Variants in CCDC192 observed in about 807,000 individuals in gnomAD.
CCDC192 encodes the protein coiled-coil domain-containing protein 192.
intron 6 of CCDC192, among the ~76,000 whole-genome samples, chr5:127,915,617 G>A (rs760394695): frequency 3.2e-4 from 49 of 152,210 alleles, no homozygotes; most frequent in Non-Finnish European, 5.6e-4. Context: ...TCCTGACCTC[G>A]TGATCCACCC....
At chr5:127,914,286 T>C (rs1415268736) in intron 6 of CCDC192, among the ~76,000 whole-genome samples, 2 of 152,328 alleles carry the variant, frequency 1.3e-5, no homozygotes, top group East Asian at 3.9e-4. Context: ...CTGTCTGCCC[T>C]GACCAGTATG....
intron 2 of CCDC192, among the ~76,000 whole-genome samples, chr5:127,714,972 G>GAT (rs1554067634): frequency 5.3e-5 from 8 of 149,852 alleles, no homozygotes; most frequent in Non-Finnish European, 1.2e-4. Context: ...AAATTATTAG[G>GAT]TTTTTTTTTT....
At chr5:127,828,717 A>G (rs1221759580) in intron 5 of CCDC192, among the ~76,000 whole-genome samples, 2 of 152,196 alleles carry the variant, frequency 1.3e-5, no homozygotes, top group African/African-American at 4.8e-5. Context: ...AGAAGAAATG[A>G]AATGTAAGTG....
chr5:127,785,156 TA>T, intron 3 of CCDC192: 1 of 526,334 alleles, frequency 1.9e-6, no homozygotes. Flanking sequence ...TATCTGTTTG[TA>T]AAGCAGTTAG....
At chr5:127,750,002 CT>C (rs1054788140) in intron 2 of CCDC192, among the ~76,000 whole-genome samples, 46 of 149,944 alleles carry the variant, frequency 3.1e-4, no homozygotes, top group African/African-American at 7.8e-4. Flanking sequence ...ATTCTTCTCT[CT>C]TTTTTTCTTT....
chr5:127,941,070 C>G (rs1558148), intron 6 of CCDC192, 112 bp from the exon 7 acceptor site: 7,010 of 397,514 alleles, frequency 0.018, 344 homozygotes, highest in African/African-American at 0.11. Context: ...GATGCAACAT[C>G]TGTGCTCTCT....
chr5:127,845,963 A>G (rs887281467), intron 5 of CCDC192, among the ~76,000 whole-genome samples: 2 of 152,144 alleles, frequency 1.3e-5, no homozygotes, highest in African/African-American at 4.8e-5. Flanking sequence ...TGAATCTAGA[A>G]TAGGGCCTAG....
At chr5:127,776,026 C>T (rs1755837666) in intron 3 of CCDC192, among the ~76,000 whole-genome samples, 1 of 152,188 alleles carries the variant, frequency 6.6e-6, no homozygotes. Flanking sequence ...CAGACTAATA[C>T]AGTAAATTGC....
chr5:127,724,124 T>G (rs1007677481), intron 2 of CCDC192, among the ~76,000 whole-genome samples: 1 of 152,218 alleles, frequency 6.6e-6, no homozygotes, highest in African/African-American at 2.4e-5. Context: ...TAAGAAAATT[T>G]ATCACTTACC....
intron 6 of CCDC192, among the ~76,000 whole-genome samples, chr5:127,929,541 T>C (rs1460095969): frequency 6.6e-6 from 1 of 152,264 alleles, no homozygotes; most frequent in Non-Finnish European, 1.5e-5. Flanking sequence ...TTAATAGCAA[T>C]GTCAAGTCAG....
At chr5:127,703,864 T>A (rs1237045389) in intron 1 of CCDC192, among the ~76,000 whole-genome samples, 2 of 152,194 alleles carry the variant, frequency 1.3e-5, no homozygotes, top group Admixed American at 6.5e-5. Context: ...TCATCTTCAC[T>A]ACTCTCTTGC....
At chr5:127,815,662 A>G (rs998001135) in intron 5 of CCDC192, among the ~76,000 whole-genome samples, 3 of 152,010 alleles carry the variant, frequency 2.0e-5, no homozygotes, top group African/African-American at 7.2e-5. Flanking sequence ...AGGTCAGGAG[A>G]TCAAAACCAT....
chr5:127,859,511 T>A (rs1006118731), intron 5 of CCDC192, among the ~76,000 whole-genome samples: 2 of 151,378 alleles, frequency 1.3e-5, no homozygotes, highest in Non-Finnish European at 2.9e-5. Flanking sequence ...TGAATCAATC[T>A]CTAGGAACAG....
At chr5:127,786,216 G>A (rs757669135) in intron 3 of CCDC192, 24 of 763,772 alleles carry the variant, frequency 3.1e-5, no homozygotes, top group Non-Finnish European at 4.8e-5. Flanking sequence ...CTTCATGAAG[G>A]TAAACCTGAA....
chr5:127,713,453 G>C (rs1369684895), intron 2 of CCDC192, among the ~76,000 whole-genome samples: 1 of 151,958 alleles, frequency 6.6e-6, no homozygotes, highest in Non-Finnish European at 1.5e-5. Context: ...AATATGATTT[G>C]GATGTAAAGA....
intron 6 of CCDC192, among the ~76,000 whole-genome samples, chr5:127,936,462 T>C (rs779765734): frequency 6.6e-6 from 1 of 152,134 alleles, no homozygotes; most frequent in Non-Finnish European, 1.5e-5. Context: ...TGGGACTGCC[T>C]CTCCTCTCAC....
At chr5:127,779,839 C>A (rs1341213859) in intron 3 of CCDC192, among the ~76,000 whole-genome samples, 2 of 152,068 alleles carry the variant, frequency 1.3e-5, no homozygotes, top group African/African-American at 4.8e-5. Flanking sequence ...ATCACTCGAG[C>A]AGTATACACT....
intron 6 of CCDC192, among the ~76,000 whole-genome samples, chr5:127,907,767 C>A (rs1753240253): frequency 6.6e-6 from 1 of 152,152 alleles, no homozygotes; most frequent in African/African-American, 2.4e-5. Context: ...AAAATTAAGT[C>A]ATCAAAAATC....
intron 5 of CCDC192, among the ~76,000 whole-genome samples, chr5:127,835,419 A>G (rs1749991073): frequency 6.6e-6 from 1 of 152,152 alleles, no homozygotes; most frequent in Non-Finnish European, 1.5e-5. Context: ...GAGGATGCAC[A>G]CAGTGTTTTC....
Sources: allele counts gnomAD v4.1 joint callset (sites outside exome capture counted in the v4.1 genomes callset), GRCh38; gene constraint gnomAD v4.1.1; transcripts MANE v1.5; gene names NCBI Gene and HGNC (gene_info 2026-07-23, HGNC 2026-07-21).